PLCZ1: variants seen among roughly 807,000 people sequenced by gnomAD.
PLCZ1 encodes phospholipase C zeta 1.
Under a neutral mutation model 76.8 loss-of-function variants are expected in PLCZ1, and 64 were observed. That is an observed-to-expected ratio of 0.83 (90% CI 0.68 to 1.03). The LOEUF is 1.03. PLCZ1 is among the 50% of genes least tolerant of loss of function. The pLI is 0.00. For missense variants in PLCZ1, 751 were observed against 713.7 expected (o/e 1.05, Z -0.60); for synonymous variants, 248 against 230.8 (o/e 1.07, Z -0.68).
At chr12:18,722,622 T>C (rs1052040346) in intron 4 of PLCZ1, among the ~76,000 whole-genome samples, 1 of 152,064 alleles carries the variant, frequency 6.6e-6, no homozygotes, top group African/African-American at 2.4e-5. Context: ...TATTGTATTA[T>C]GTGTTTATAA....
chr12:18,723,578 G>A (rs748782664), intron 3 of PLCZ1, 36 bp from the exon 4 acceptor site: 7 of 1,483,592 alleles, frequency 4.7e-6, no homozygotes, highest in Non-Finnish European at 4.7e-6. Context: ...CACATTGTGA[G>A]TATAAAAAAT....
At chr12:18,693,926 A>G in intron 12 of PLCZ1, 2 of 1,526,214 alleles carry the variant, frequency 1.3e-6, no homozygotes, top group Non-Finnish European at 1.8e-6. Flanking sequence ...GCACGACTTG[A>G]TCATGGCTAA....
the PLCZ1 span, among the ~76,000 whole-genome samples, chr12:18,668,317 T>C: frequency 6.6e-6 from 1 of 152,204 alleles, no homozygotes; most frequent in Non-Finnish European, 1.5e-5. Context: ...CTTTGGAAAG[T>C]CAGAGAAACT....
chr12:18,698,288 C>CTATTCTAT (rs1565677402), intron 10 of PLCZ1, among the ~76,000 whole-genome samples: 1 of 54,862 alleles, frequency 1.8e-5, no homozygotes, highest in African/African-American at 8.2e-5. Flanking sequence ...TTCTATTCTA[C>CTATTCTAT]TCCATTCCAT....
intron 7 of PLCZ1, among the ~76,000 whole-genome samples, chr12:18,703,069 CAT>C (rs1315193275): frequency 6.6e-6 from 1 of 152,064 alleles, no homozygotes; most frequent in Non-Finnish European, 1.5e-5. Context: ...AAAATAGATT[CAT>C]ATATAATAGG....
Position 18,699,775 on chromosome 12 carries a change from T to C in PLCZ1, c.1174+19A>G. ...TAACTCATTTAAACATTTCATCTAT[T>C]TGAGTCACAAAAATTTACCTCGCAA... On this transcript the variant is annotated intron_variant, in intron 10 of 14. Coordinates refer to ENST00000266505, the MANE Select transcript of PLCZ1 (RefSeq NM_033123.4). The C allele has an allele frequency of 6.2e-7, 1 of 1,605,646 alleles. No homozygotes were observed. Among genetic ancestry groups the C allele is most frequent in the Non-Finnish European group, 8.5e-7 (1 of 1,172,616 alleles).
intron 3 of PLCZ1, among the ~76,000 whole-genome samples, chr12:18,727,900 G>A (rs915544523): frequency 2.6e-5 from 4 of 152,140 alleles, no homozygotes; most frequent in Admixed American, 2.6e-4. Context: ...ACCACAATAA[G>A]TAGTAAGTAG....
At chr12:18,693,532 C>T in intron 12 of PLCZ1, 3 of 1,611,650 alleles carry the variant, frequency 1.9e-6, no homozygotes, top group Non-Finnish European at 1.7e-6. Flanking sequence ...GAGTGGTTGG[C>T]TCTGAACTTA....
intron 6 of PLCZ1, among the ~76,000 whole-genome samples, chr12:18,709,596 C>T (rs560839527): frequency 6.6e-6 from 1 of 151,864 alleles, no homozygotes; most frequent in African/African-American, 2.4e-5. Flanking sequence ...AATCTGTACA[C>T]TGTAGCCTAG....
In PLCZ1 at chr12:18,712,197, A is replaced by C. The variant is rs1003887153; in HGVS notation, c.714+645T>G. 2.0e-5 allele frequency among the ~76,000 whole-genome samples: 3 copies of C among 152,148 alleles called. No individual in the cohort carries two copies. In the South Asian group the frequency reaches 6.2e-4, roughly 31 times the overall value. On this transcript the variant is annotated intron_variant, in intron 6 of 14. Transcript: ENST00000266505. ...TCAAGTGTGTTAAGTTTACAAAAACAACACAATGTCTGAAGGTACAAAATT... is the reference window on the plus strand; with the variant it reads ...TCAAGTGTGTTAAGTTTACAAAAACCACACAATGTCTGAAGGTACAAAATT...
At chr12:18,693,785 T>G (rs1954515083) in intron 12 of PLCZ1, 9 of 1,515,456 alleles carry the variant, frequency 5.9e-6, no homozygotes, top group South Asian at 2.2e-5. Context: ...AATAGAAACT[T>G]TGGATCCAGC....
At chr12:18,654,760 G>A in the PLCZ1 span, among the ~76,000 whole-genome samples, 1 of 152,114 alleles carries the variant, frequency 6.6e-6, no homozygotes, top group Non-Finnish European at 1.5e-5. Context: ...TACTCATAAG[G>A]ATCAAGATAA....
At chr12:18,675,765 C>T in the PLCZ1 span, among the ~76,000 whole-genome samples, 1,529 of 151,830 alleles carry the variant, frequency 0.01, 30 homozygotes, top group African/African-American at 0.034. Context: ...AGTGAAATAA[C>T]TCAGAAGTAT....
At chr12:18,645,623 T>C in the PLCZ1 span, among the ~76,000 whole-genome samples, 19 of 152,290 alleles carry the variant, frequency 1.2e-4, no homozygotes, top group East Asian at 3.9e-4. Flanking sequence ...TTTTGTGTAT[T>C]TGATGGATCT....
chr12:18,717,562 G>A (rs150774480), intron 5 of PLCZ1, among the ~76,000 whole-genome samples: 9 of 152,182 alleles, frequency 5.9e-5, no homozygotes, highest in African/African-American at 2.2e-4. Flanking sequence ...ACATAGATCA[G>A]ACTATCTGAT....
At chr12:18,736,697 C>A (rs1478743093) in intron 2 of PLCZ1, 2 of 1,289,958 alleles carry the variant, frequency 1.6e-6, no homozygotes, top group African/African-American at 3.0e-5. Context: ...TCTCACCTGA[C>A]CTCTCTGTTT....
intron 5 of PLCZ1, among the ~76,000 whole-genome samples, chr12:18,718,171 TAA>T (rs1958195659): frequency 6.6e-6 from 1 of 152,156 alleles, no homozygotes; most frequent in Non-Finnish European, 1.5e-5. Flanking sequence ...ATTTTCAACT[TAA>T]GATATTTTCA....
rs1555190918 is a variant in PLCZ1 at position 18,715,171 on chromosome 12, G to GGGC, written c.570-2186_570-2185insGCC. Among the ~76,000 whole-genome samples the GGGC allele has an allele frequency of 1.8e-4, 3 of 17,070 alleles. 1 individual carries two copies. The highest frequency in any genetic ancestry group is 6.2e-4 in the Non-Finnish European group (3 of 4,856). The allele number at this position is 17,070 out of a possible 152,430, so 11.2% of individuals were successfully genotyped here. ...CTAAAATATGAGAGAAAGGCGGTGG[G>GGGC]GGGGGGGGGGGCGGAGGGAGGGAGA... On this transcript the variant is annotated intron_variant, in intron 5 of 14. Transcript: ENST00000266505.
intron 7 of PLCZ1, among the ~76,000 whole-genome samples, chr12:18,704,811 T>C (rs1305464500): frequency 6.6e-6 from 1 of 152,146 alleles, no homozygotes; most frequent in Non-Finnish European, 1.5e-5. Context: ...TGTTGAGATA[T>C]TGGGTACTGA....
Sources: gnomAD v4.1 joint callset for allele counts (sites outside exome capture counted in the v4.1 genomes callset) on GRCh38, gnomAD v4.1.1 for gene constraint, MANE v1.5 for transcripts, NCBI Gene and HGNC (gene_info 2026-07-23, HGNC 2026-07-21) for gene names.